Variants in RFTN2 observed in about 807,000 individuals in gnomAD.
RFTN2 encodes the protein raftlin family member 2.
In RFTN2, 34 loss-of-function variants were observed where a neutral mutation model predicts 52.7. The observed-to-expected ratio is 0.64, with a 90% CI of 0.49 to 0.86. The LOEUF is 0.86. RFTN2 is among the 40% of genes least tolerant of loss of function. RFTN2 has a pLI of 0.00. For missense variants in RFTN2, 536 were observed against 600.1 expected, an observed-to-expected ratio of 0.89 and a Z score of 1.12; for synonymous variants, 203 against 217.7, an observed-to-expected ratio of 0.93 and a Z score of 0.59.
At chr2:197,627,362 A>G (rs1033178049) in intron 5 of RFTN2, among the ~76,000 whole-genome samples, 1 of 152,114 alleles carries the variant, frequency 6.6e-6, no homozygotes, top group Non-Finnish European at 1.5e-5. Flanking sequence ...CAATTTTCTT[A>G]GTTTTGAAAT....
At chr2:197,630,861 G>A in intron 5 of RFTN2, 150 bp downstream of exon 5, 1 of 625,180 alleles carries the variant, frequency 1.6e-6, no homozygotes. Context: ...TTAAATTAAA[G>A]CTACATATCT....
intron 1 of RFTN2, among the ~76,000 whole-genome samples, chr2:197,647,234 C>CT (rs1334937694): frequency 2.0e-5 from 3 of 151,230 alleles, no homozygotes; most frequent in Admixed American, 6.6e-5. Flanking sequence ...TTCTTTTTTT[C>CT]TTTTTTGAGA....
At position 197,630,991 on chromosome 2, in the gene RFTN2, A is replaced by T. The variant is rs1295529019; in HGVS notation, c.928+20T>A. On this transcript the variant is annotated intron_variant, in intron 5 of 8. Transcript: ENST00000295049. ...AGTTCAAATTCCTCAGATATAAAAT[A>T]TCATTAACATAAAACTTACCTTTAG... 6.8e-7 allele frequency: 1 copy of T among 1,476,800 alleles called. No individual in the cohort carries two copies. Among genetic ancestry groups the T allele is most frequent in the Non-Finnish European group, 9.4e-7 (1 of 1,059,730 alleles). 91.5% of individuals were successfully genotyped at this position (1,476,800 alleles called of 1,614,324 possible).
intron 8 of RFTN2, among the ~76,000 whole-genome samples, chr2:197,576,746 T>A (rs1004108373): frequency 6.6e-6 from 1 of 152,180 alleles, no homozygotes; most frequent in Non-Finnish European, 1.5e-5. Context: ...ACACTGTTTG[T>A]ACAGGAAGAT....
intron 7 of RFTN2, among the ~76,000 whole-genome samples, chr2:197,614,204 A>C (rs1220806151): frequency 6.6e-6 from 1 of 152,228 alleles, no homozygotes; most frequent in Non-Finnish European, 1.5e-5. Flanking sequence ...GCCAGAAACC[A>C]TGTACAGCTT....
intron 1 of RFTN2, among the ~76,000 whole-genome samples, chr2:197,667,470 G>A (rs540544574): frequency 6.6e-6 from 1 of 152,282 alleles, no homozygotes; most frequent in Non-Finnish European, 1.5e-5. Context: ...GTTGCCTGAG[G>A]ATTATTGCAG....
intron 8 of RFTN2, among the ~76,000 whole-genome samples, chr2:197,590,819 C>T (rs1436315726): frequency 1.3e-5 from 2 of 152,110 alleles, no homozygotes; most frequent in African/African-American, 4.8e-5. Context: ...TGGCTTCAGG[C>T]GTGAAGCTGC....
intron 7 of RFTN2, among the ~76,000 whole-genome samples, chr2:197,612,099 G>A (rs947631056): frequency 6.6e-6 from 1 of 152,160 alleles, no homozygotes; most frequent in Non-Finnish European, 1.5e-5. Context: ...ATTTGGGGTG[G>A]AGAGTTCTGT....
chr2:197,614,553 A>G (rs896738426), intron 7 of RFTN2, among the ~76,000 whole-genome samples: 6 of 152,232 alleles, frequency 3.9e-5, no homozygotes, highest in African/African-American at 1.4e-4. Context: ...TGGCAAAACT[A>G]AAAGATCACT....
At chr2:197,630,587 C>A (rs1375321054) in intron 5 of RFTN2, among the ~76,000 whole-genome samples, 1 of 152,076 alleles carries the variant, frequency 6.6e-6, no homozygotes, top group Non-Finnish European at 1.5e-5. Context: ...TTTTTCTGTA[C>A]AAATTATAGA....
At chr2:197,587,572 C>T (rs1460610690) in intron 8 of RFTN2, among the ~76,000 whole-genome samples, 1 of 150,894 alleles carries the variant, frequency 6.6e-6, no homozygotes, top group Admixed American at 6.6e-5. Context: ...CTGTAATTTT[C>T]CACTACCTAC....
chr2:197,619,392 G>A (rs1196459530), intron 5 of RFTN2, among the ~76,000 whole-genome samples: 1 of 152,240 alleles, frequency 6.6e-6, no homozygotes, highest in South Asian at 2.1e-4. Context: ...ATTTTGTTCT[G>A]TACTAAGAGA....
intron 8 of RFTN2, among the ~76,000 whole-genome samples, chr2:197,592,338 G>A (rs1451946936): frequency 1.3e-5 from 2 of 152,306 alleles, no homozygotes; most frequent in East Asian, 1.9e-4. Context: ...TGGGATTACA[G>A]GCATGTGCCA....
At chr2:197,645,810 C>T (rs557149780) in intron 2 of RFTN2, among the ~76,000 whole-genome samples, 14 of 152,110 alleles carry the variant, frequency 9.2e-5, no homozygotes, top group Non-Finnish European at 1.3e-4. Context: ...GGATCACCTG[C>T]GGTCAGGAGT....
chr2:197,606,665 C>T (rs1364243029), intron 7 of RFTN2, among the ~76,000 whole-genome samples: 4 of 151,012 alleles, frequency 2.6e-5, no homozygotes, highest in Admixed American at 1.3e-4. Flanking sequence ...AAAAAGTGGG[C>T]GAAGGATATG....
In RFTN2 at chr2:197,617,809, A is replaced by T; in HGVS notation, c.1041T>A (p.Thr347=). 6.4e-7 allele frequency: 1 copy of T among 1,573,812 alleles called. No individual in the cohort carries two copies. Among genetic ancestry groups the T allele is most frequent in the Non-Finnish European group, 8.6e-7 (1 of 1,157,656 alleles). ...GAAAACTGCAGCTCACCTCAATAAC[A>T]GTCCATTGTTCTACTACGATGGCAT... ...GNDAIVVEQW[T]VIEGCEIKTD... is the part of the protein sequence containing the mutation. Residue 347 remains threonine (T), a synonymous_variant, in exon 6 of 9, where the codon ACT becomes ACA. Coordinates refer to ENST00000295049, the MANE Select transcript of RFTN2 (RefSeq NM_144629.3).
intron 3 of RFTN2, among the ~76,000 whole-genome samples, chr2:197,639,100 G>A (rs1204866466): frequency 7.0e-6 from 1 of 142,366 alleles, no homozygotes; most frequent in Admixed American, 7.1e-5. Context: ...GGTTTCTGCC[G>A]AGAGATCCGC....
intron 1 of RFTN2, among the ~76,000 whole-genome samples, chr2:197,659,228 T>C (rs2088938885): frequency 6.6e-6 from 1 of 152,084 alleles, no homozygotes. Context: ...GGGCCAGGCA[T>C]GATGGCTCAC....
Position 197,633,788 on chromosome 2 carries a change from A to G in RFTN2, c.648T>C (p.His216=). The G allele has an allele frequency of 6.2e-7, 1 of 1,613,892 alleles. No individual in the cohort carries two copies. The highest frequency in any genetic ancestry group is 8.5e-7 in the Non-Finnish European group (1 of 1,179,852). The change falls in exon 4 of 9, where the codon CAT becomes CAC. Residue 216 remains histidine (H), a synonymous_variant. Transcript: ENST00000295049. ...CCATTTGATACTGTCCACTTTCATG[A>G]TGAAGTTCTTCCTCAATTCCGCTTT... ...SSESGIEEEL[H]HESGQYQMEQ...
Sources: allele counts gnomAD v4.1 joint callset (sites outside exome capture counted in the v4.1 genomes callset), GRCh38; gene constraint gnomAD v4.1.1; transcripts MANE v1.5; gene names NCBI Gene and HGNC (gene_info 2026-07-23, HGNC 2026-07-21).